The following OCA2 variants were observed in gnomAD, a reference collection of about 807,000 sequenced individuals.
OCA2 encodes the protein OCA2 melanosomal transmembrane protein, also known as P protein.
OCA2 carries 77 observed loss-of-function variants against 100.2 expected under a neutral mutation model. The observed-to-expected ratio is 0.77, with a 90% CI of 0.64 to 0.93. OCA2 has a LOEUF of 0.93. OCA2 is among the 40% of genes least tolerant of loss of function. The pLI, the probability that OCA2 is intolerant of heterozygous loss-of-function variation, is 0.00. For missense variants in OCA2, 1,062 were observed against 1,089.1 expected, an observed-to-expected ratio of 0.98 and a Z score of 0.35; for synonymous variants, 432 against 439.2, an observed-to-expected ratio of 0.98 and a Z score of 0.21.
intron 19 of OCA2, among the ~76,000 whole-genome samples, chr15:27,873,205 G>A (rs982251172): frequency 8.5e-5 from 13 of 152,224 alleles, no homozygotes; most frequent in African/African-American, 2.9e-4. Flanking sequence ...GTTCTTGGCT[G>A]TGGGGCTGGC....
intron 23 of OCA2, among the ~76,000 whole-genome samples, chr15:27,820,938 TG>T (rs1158497159): frequency 6.6e-6 from 1 of 152,194 alleles, no homozygotes; most frequent in Non-Finnish European, 1.5e-5. Flanking sequence ...TATTCTGTCC[TG>T]GGTTGCCAGG....
At chr15:27,832,830 A>ATT (rs112415796) in intron 23 of OCA2, among the ~76,000 whole-genome samples, 7,756 of 135,648 alleles carry the variant, frequency 0.057, 388 homozygotes, top group African/African-American at 0.092. Flanking sequence ...TAAATATCTG[A>ATT]TTTTTTTTTT....
At chr15:27,802,932 C>T (rs752466797) in intron 23 of OCA2, among the ~76,000 whole-genome samples, 11 of 152,118 alleles carry the variant, frequency 7.2e-5, no homozygotes, top group Admixed American at 4.6e-4. Flanking sequence ...AAGTTAAATA[C>T]CTCTCCTCCT....
intron 1 of OCA2, among the ~76,000 whole-genome samples, chr15:28,092,474 C>T (rs184615045): frequency 7.9e-5 from 12 of 152,282 alleles, no homozygotes; most frequent in Admixed American, 5.9e-4. Context: ...CCCACCTCAG[C>T]CCCCAAGTAG....
intron 10 of OCA2, 135 bp downstream of exon 10, chr15:27,990,441 G>A: frequency 1.2e-6 from 1 of 858,078 alleles, no homozygotes; most frequent in Non-Finnish European, 2.0e-6. Context: ...CATACCTCTA[G>A]CATGGTTCTT....
At chr15:27,983,568 T>G in intron 13 of OCA2, 85 bp from the exon 14 acceptor site, 33 of 1,440,332 alleles carry the variant, frequency 2.3e-5, no homozygotes, top group Non-Finnish European at 2.8e-5. Context: ...TTTAAGGCGC[T>G]TGCTCGTATA....
chr15:27,954,302 T>C (rs1215722789), intron 17 of OCA2, among the ~76,000 whole-genome samples: 1 of 152,132 alleles, frequency 6.6e-6, no homozygotes, highest in Non-Finnish European at 1.5e-5. Context: ...AACACCACAG[T>C]CTAGCAAGGC....
intron 19 of OCA2, among the ~76,000 whole-genome samples, chr15:27,916,237 T>C (rs1567101982): frequency 6.6e-6 from 1 of 152,064 alleles, no homozygotes; most frequent in Non-Finnish European, 1.5e-5. Context: ...AAACTATGTA[T>C]CAGGTCCTAC....
chr15:27,908,604 C>T (rs1487491330), intron 19 of OCA2, among the ~76,000 whole-genome samples: 1 of 152,112 alleles, frequency 6.6e-6, no homozygotes, highest in African/African-American at 2.4e-5. Flanking sequence ...ACAGCCAGAT[C>T]ATAAGGGGAA....
chr15:27,745,619 CAAT>C, the OCA2 span, among the ~76,000 whole-genome samples: 1 of 152,320 alleles, frequency 6.6e-6, no homozygotes, highest in Non-Finnish European at 1.5e-5. Flanking sequence ...AATGGCCCTG[CAAT>C]GCTTTCTCTT....
At chr15:27,842,822 ACACG>A (rs141673842) in intron 23 of OCA2, among the ~76,000 whole-genome samples, 7,508 of 152,274 alleles carry the variant, frequency 0.049, 235 homozygotes, top group African/African-American at 0.082. Context: ...GTAACTGCAC[ACACG>A]CACACACACA....
the OCA2 span, among the ~76,000 whole-genome samples, chr15:27,733,209 G>C: frequency 1.3e-5 from 2 of 152,228 alleles, no homozygotes; most frequent in East Asian, 3.9e-4. Flanking sequence ...TCAGATGTTC[G>C]GATTTTTTAA....
At chr15:27,966,947 G>A in intron 14 of OCA2, 125 bp from the exon 15 acceptor site, 5 of 1,060,610 alleles carry the variant, frequency 4.7e-6, no homozygotes, top group Non-Finnish European at 2.8e-6. Flanking sequence ...GGCTAACACA[G>A]TGAAAACCTG....
chr15:27,759,483 A>G (rs1436061929), intron 23 of OCA2, among the ~76,000 whole-genome samples: 1 of 152,186 alleles, frequency 6.6e-6, no homozygotes, highest in Non-Finnish European at 1.5e-5. Flanking sequence ...CGGATAAAGA[A>G]TAAACCACAC....
intron 23 of OCA2, among the ~76,000 whole-genome samples, chr15:27,808,145 G>T (rs988186941): frequency 2.0e-5 from 3 of 152,272 alleles, no homozygotes; most frequent in African/African-American, 7.2e-5. Context: ...TAGGCTTCAG[G>T]AATAAGGGAA....
chr15:27,981,796 G>A (rs893005095), intron 14 of OCA2, among the ~76,000 whole-genome samples: 1 of 152,186 alleles, frequency 6.6e-6, no homozygotes, highest in African/African-American at 2.4e-5. Context: ...GAGGATCTCT[G>A]TGGTTCAGCT....
At chr15:27,798,930 G>T (rs976868313) in intron 23 of OCA2, among the ~76,000 whole-genome samples, 1 of 152,196 alleles carries the variant, frequency 6.6e-6, no homozygotes, top group African/African-American at 2.4e-5. Flanking sequence ...TTTAGAATAT[G>T]GTTTCCTTGA....
intron 23 of OCA2, among the ~76,000 whole-genome samples, chr15:27,817,603 C>T (rs1282191485): frequency 6.6e-6 from 1 of 152,122 alleles, no homozygotes; most frequent in African/African-American, 2.4e-5. Context: ...TTTCCAGCCC[C>T]TCACCCTCCA....
At chr15:27,852,244 T>C (rs1246051029) in intron 21 of OCA2, among the ~76,000 whole-genome samples, 1 of 152,236 alleles carries the variant, frequency 6.6e-6, no homozygotes, top group Non-Finnish European at 1.5e-5. Context: ...GTATAAGGTG[T>C]AAGGAAGGGA....
Sources: allele counts gnomAD v4.1 joint callset (sites outside exome capture counted in the v4.1 genomes callset), GRCh38; gene constraint gnomAD v4.1.1; transcripts MANE v1.5; gene names NCBI Gene and HGNC (gene_info 2026-07-23, HGNC 2026-07-21).